HIVEP2: variants seen among roughly 807,000 people sequenced by gnomAD.
HIVEP2 encodes HIVEP zinc finger 2, also known as transcription factor HIVEP2.
HIVEP2 carries 14 observed loss-of-function variants against 180.7 expected under a neutral mutation model. The ratio of observed to expected loss-of-function variants is 0.08; its 90% confidence interval spans 0.05 to 0.12. The LOEUF (loss-of-function observed/expected upper bound fraction) is 0.12. HIVEP2 is among the 10% of genes least tolerant of loss of function. The pLI, the probability that HIVEP2 is intolerant of heterozygous loss-of-function variation, is 1.00. For synonymous variants in HIVEP2, 1,184 were observed against 1,136.4 expected, an observed-to-expected ratio of 1.04 and a Z score of -0.84; for missense variants, 2,579 against 3,008.5, an observed-to-expected ratio of 0.86 and a Z score of 3.34.
intron 1 of HIVEP2, among the ~76,000 whole-genome samples, chr6:142,849,395 T>C (rs892373787): frequency 2.6e-5 from 4 of 152,206 alleles, no homozygotes; most frequent in Non-Finnish European, 4.4e-5. Context: ...AACAACTGGG[T>C]AGAAATGTCC....
chr6:142,823,661 C>T (rs1433553902), intron 2 of HIVEP2, among the ~76,000 whole-genome samples: 3 of 152,188 alleles, frequency 2.0e-5, no homozygotes, highest in Admixed American at 2.0e-4. Context: ...ATAATTAGAG[C>T]AGCATTTGGA....
At chr6:142,859,192 C>T (rs895020448) in intron 1 of HIVEP2, among the ~76,000 whole-genome samples, 21 of 152,092 alleles carry the variant, frequency 1.4e-4, no homozygotes, top group Admixed American at 1.0e-3. Context: ...GAGGCATTTC[C>T]TCAGCCAACA....
At chr6:142,765,397 T>G (rs778132363) in intron 6 of HIVEP2, among the ~76,000 whole-genome samples, 1 of 152,250 alleles carries the variant, frequency 6.6e-6, no homozygotes, top group Non-Finnish European at 1.5e-5. Context: ...AAGATGTACA[T>G]GTACAAACAT....
rs536160126 is a variant in HIVEP2 at position 142,789,674 on chromosome 6, A to G, written c.-527-6059T>C. The stretch of plus-strand genomic sequence containing the variant: ...TACAGCTTAGGTCTTTAAACTGTCA[A>G]GTCAATTATTTTCCATTATCCACAC... On this transcript the variant is annotated intron_variant, in intron 2 of 9. Transcript: ENST00000367603. Among the ~76,000 whole-genome samples the G allele has an allele frequency of 3.3e-5, 5 of 152,348 alleles. No individual in the cohort carries two copies. In the East Asian group the frequency reaches 9.6e-4, roughly 29 times the overall value.
At chr6:142,942,884 T>C (rs1778213829) in intron 1 of HIVEP2, among the ~76,000 whole-genome samples, 1 of 152,224 alleles carries the variant, frequency 6.6e-6, no homozygotes, top group African/African-American at 2.4e-5. Flanking sequence ...TTTTGTTTTA[T>C]ACCCGACCTA....
chr6:142,937,811 T>C (rs563849602), intron 1 of HIVEP2, among the ~76,000 whole-genome samples: 2 of 152,260 alleles, frequency 1.3e-5, no homozygotes, highest in African/African-American at 4.8e-5. Flanking sequence ...TTTCTTTAAG[T>C]ATACACATCA....
In HIVEP2 at chr6:142,759,783, A is replaced by G. The variant is rs760170092; in HGVS notation, c.6505T>C (p.Leu2169=). Residue 2169 remains leucine, a synonymous_variant, in exon 9 of 10, where the codon TTG becomes CTG. Transcript: ENST00000367603. The stretch of plus-strand genomic sequence containing the variant: ...TGGATTATACTTACAGGAGGCCCCA[A>G]TACAATTGGCTCTGCTTGCAAATAC... ...GQYLQAEPIV[L]GPPNLRRGLP... The G allele has an allele frequency of 1.5e-5, 24 of 1,602,458 alleles. No homozygotes were observed. Among genetic ancestry groups the G allele is most frequent in the African/African-American group, 5.4e-5 (4 of 74,182 alleles).
intron 3 of HIVEP2, among the ~76,000 whole-genome samples, chr6:142,780,529 A>T (rs1376325369): frequency 6.6e-6 from 1 of 152,190 alleles, no homozygotes; most frequent in Non-Finnish European, 1.5e-5. Flanking sequence ...ACATATAAAG[A>T]AAGGTAGGTG....
At chr6:142,870,852 C>A (rs1166730596) in intron 1 of HIVEP2, among the ~76,000 whole-genome samples, 1 of 152,184 alleles carries the variant, frequency 6.6e-6, no homozygotes, top group Non-Finnish European at 1.5e-5. Context: ...CACAAACAAC[C>A]TCCCATTTTA....
intron 9 of HIVEP2, among the ~76,000 whole-genome samples, chr6:142,754,207 G>A (rs1052571329): frequency 1.3e-5 from 2 of 151,634 alleles, no homozygotes; most frequent in Non-Finnish European, 2.9e-5. Flanking sequence ...ATTGGGTACA[G>A]AGACACATTT....
chr6:142,857,380 C>T (rs995404636), intron 1 of HIVEP2, among the ~76,000 whole-genome samples: 1 of 152,108 alleles, frequency 6.6e-6, no homozygotes, highest in Non-Finnish European at 1.5e-5. Flanking sequence ...TCGCCAAATG[C>T]TCTTATTTTG....
At chr6:142,777,116 G>C (rs535465820) in intron 3 of HIVEP2, among the ~76,000 whole-genome samples, 1 of 152,150 alleles carries the variant, frequency 6.6e-6, no homozygotes, top group East Asian at 1.9e-4. Context: ...CAATGTGTCC[G>C]TTTATCAAAA....
intron 1 of HIVEP2, among the ~76,000 whole-genome samples, chr6:142,939,347 A>G (rs1355197288): frequency 1.3e-5 from 2 of 151,836 alleles, no homozygotes; most frequent in Non-Finnish European, 2.9e-5. Flanking sequence ...CATCCCATAT[A>G]CCCTCATAAG....
At chr6:142,900,406 C>G (rs1039666001) in intron 1 of HIVEP2, among the ~76,000 whole-genome samples, 3 of 152,194 alleles carry the variant, frequency 2.0e-5, no homozygotes, top group Non-Finnish European at 2.9e-5. Flanking sequence ...CCTCACCACC[C>G]TGGGCCACAC....
At chr6:142,882,773 C>T (rs574641335) in intron 1 of HIVEP2, among the ~76,000 whole-genome samples, 2 of 152,192 alleles carry the variant, frequency 1.3e-5, no homozygotes, top group East Asian at 1.9e-4. Context: ...GTTTACATAA[C>T]GCTGGCGTAA....
At chr6:142,809,755 T>C (rs907381516) in intron 2 of HIVEP2, among the ~76,000 whole-genome samples, 1 of 151,898 alleles carries the variant, frequency 6.6e-6, no homozygotes, top group African/African-American at 2.4e-5. Flanking sequence ...CACCATGTCC[T>C]GCTAATTTTT....
In HIVEP2 at chr6:142,770,220, C is replaced by T. The variant is rs2114646082; in HGVS notation, c.4519G>A (p.Gly1507Ser). Residue 1507 changes from glycine to serine, a missense_variant, in exon 5 of 10, where the codon GGC (glycine) becomes AGC (serine). Physicochemically the swap from Gly to Ser is moderately conservative, Grantham distance 56. Transcript: ENST00000367603. This position sits in a 1 kb window ranked among gnomAD's most constrained non-coding sequence, Gnocchi z 4.7. The stretch of plus-strand genomic sequence containing the variant: ...AAGGAAGATGACCCTGACTGCAAGC[C>T]ATCTTTTGGCTCAGAAGCACATCCT... ...RQGCASEPKD[G>S]LQSGSSSFSS... The T allele has an allele frequency of 1.9e-6, 3 of 1,614,200 alleles. No homozygotes were observed. The highest frequency in any genetic ancestry group is 4.5e-5 in the East Asian group (2 of 44,870).
intron 1 of HIVEP2, among the ~76,000 whole-genome samples, chr6:142,929,166 A>G (rs1777885220): frequency 6.6e-6 from 1 of 152,148 alleles, no homozygotes; most frequent in Admixed American, 6.5e-5. Flanking sequence ...TCATCTGCCA[A>G]TGGTATACAA....
chr6:142,846,198 T>C (rs1775512690), intron 1 of HIVEP2, among the ~76,000 whole-genome samples: 1 of 152,126 alleles, frequency 6.6e-6, no homozygotes, highest in African/African-American at 2.4e-5. Flanking sequence ...GTAGAGTCTG[T>C]AAATTCCAAG....
Sources: gnomAD v4.1 joint callset for allele counts (sites outside exome capture counted in the v4.1 genomes callset) on GRCh38, gnomAD v4.1.1 for gene constraint, Gnocchi (gnomAD v3.1) non-coding constraint, MANE v1.5 for transcripts, NCBI Gene and HGNC (gene_info 2026-07-23, HGNC 2026-07-21) for gene names.